Variants in CEL observed in about 807,000 individuals in gnomAD.
CEL encodes the protein carboxyl ester lipase.
In CEL, 39 loss-of-function variants were observed where a neutral mutation model predicts 57.1. The observed-to-expected ratio is 0.68, with a 90% CI of 0.53 to 0.89. The LOEUF (loss-of-function observed/expected upper bound fraction) is 0.89, where lower values mean the gene tolerates loss of function less well. CEL is among the 40% of genes least tolerant of loss of function. The probability of loss-of-function intolerance (pLI) is 0.00; values close to 1 mark genes in which losing one functional copy is unlikely to be tolerated. For synonymous variants in CEL, 314 were observed against 396.6 expected (o/e 0.79, Z 2.48); for missense variants, 698 against 915.0 (o/e 0.76, Z 3.06).
chr9:133,062,744 G>C, intron 1 of CEL, among the ~76,000 whole-genome samples: 1 of 150,992 alleles, frequency 6.6e-6, no homozygotes, highest in East Asian at 1.9e-4. Context: ...GGGGAAACGG[G>C]CCCAGGGGCA....
At chr9:133,064,953 C>T in intron 3 of CEL, 87 bp from the exon 4 acceptor site, 1 of 1,577,092 alleles carries the variant, frequency 6.3e-7, no homozygotes, top group Non-Finnish European at 8.7e-7. Context: ...GTCTTGGCCC[C>T]AGGCACCTGC....
At chr9:133,068,638 A>G (rs1830218026) in intron 7 of CEL, 34 bp from the exon 8 acceptor site, 9 of 1,613,562 alleles carry the variant, frequency 5.6e-6, no homozygotes, top group South Asian at 1.1e-5. Flanking sequence ...TGGGAGGTAC[A>G]AGAACCTGCT....
intron 4 of CEL, among the ~76,000 whole-genome samples, chr9:133,065,754 G>A (rs536126157): frequency 5.0e-4 from 76 of 150,752 alleles, no homozygotes; most frequent in Admixed American, 1.5e-3. Context: ...GCTGAGGCAG[G>A]AGAATCGCTT....
chr9:133,070,087 A>G (rs1286080563), intron 9 of CEL, among the ~76,000 whole-genome samples: 1 of 151,738 alleles, frequency 6.6e-6, no homozygotes, highest in African/African-American at 2.4e-5. Context: ...ACTAAGCAGT[A>G]CATTTAGCTG....
chr9:133,071,499 G>A lies in CEL; in HGVS notation c.1997G>A (p.Gly666Asp), dbSNP rs1277740365. The A allele has an allele frequency of 1.5e-6, 1 of 654,170 alleles. No homozygotes were observed. Among genetic ancestry groups the A allele is most frequent in the Non-Finnish European group, 2.1e-6 (1 of 483,960 alleles). The allele number at this position is 654,170 out of a possible 1,614,324, so 40.5% of individuals were successfully genotyped here. A position where few individuals can be genotyped will look rare whatever the true frequency, so the allele number is the denominator to read the frequency against. ...APPVPPTGDS[G>D]APPVPPTGDA... The stretch of plus-strand genomic sequence containing the variant: ...CCCGTGCCGCCCACGGGTGACTCCG[G>A]CGCCCCCCCCGTGCCGCCCACGGGT... The change falls in exon 11 of 11, where the codon GGC becomes GAC. Residue 666 changes from glycine to aspartate, a missense_variant. Physicochemically the swap from Gly to Asp is moderately conservative, Grantham distance 94. Coordinates refer to ENST00000372080, the MANE Select transcript of CEL (RefSeq NM_001807.6).
At position 133,065,179 on chromosome 9, in the gene CEL, C is replaced by T. The variant is rs1554732286; in HGVS notation, c.480C>T (p.Thr160=). Residue 160 remains threonine, a synonymous_variant, in exon 4 of 11, where the codon ACC becomes ACT. Coordinates refer to ENST00000372080, the MANE Select transcript of CEL (RefSeq NM_001807.6). ...CACGCGGAAACGTCATCGTGGTCAC[C>T]TTCAACTACCGTGTCGGCCCCCTTG... ...IATRGNVIVV[T]FNYRVGPLGF... The T allele has an allele frequency of 6.2e-7, 1 of 1,613,904 alleles. No homozygotes were observed. Among genetic ancestry groups the T allele is most frequent in the Non-Finnish European group, 8.5e-7 (1 of 1,180,044 alleles).
chr9:133,070,036 T>C (rs1388459401), intron 9 of CEL, among the ~76,000 whole-genome samples: 6 of 151,784 alleles, frequency 4.0e-5, no homozygotes, highest in African/African-American at 1.5e-4. Flanking sequence ...GATAGGAAGA[T>C]AAAAGTATAC....
At chr9:133,065,750 G>A (rs1333449128) in intron 4 of CEL, among the ~76,000 whole-genome samples, 2 of 151,494 alleles carry the variant, frequency 1.3e-5, no homozygotes, top group Non-Finnish European at 2.9e-5. Context: ...GGAGGCTGAG[G>A]CAGGAGAATC....
Position 133,070,553 on chromosome 9 carries a change from A to G in CEL, c.1379A>G (p.Gln460Arg), listed in dbSNP as rs775977271. ...WVGADHADDI[Q>R]YVFGKPFATP... is the part of the protein sequence containing the mutation. Reference sequence around the variant, plus strand: ...GGGGCCGACCATGCAGATGACATTCAGTACGTTTTCGGGAAGCCCTTCGCC... The same window carrying G: ...GGGGCCGACCATGCAGATGACATTCGGTACGTTTTCGGGAAGCCCTTCGCC... Residue 460 changes from glutamine to arginine, a missense_variant, in exon 10 of 11, where the codon CAG (glutamine) becomes CGG (arginine). Physicochemically the swap from Gln to Arg is conservative, Grantham distance 43. Around this residue, in one of 6 missense-constraint regions of CEL, gnomAD observed 111 missense variants for 147.3 expected, o/e 0.75. Coordinates refer to ENST00000372080, the MANE Select transcript of CEL (RefSeq NM_001807.6). 24 of 1,613,962 alleles carry G rather than the reference A, an allele frequency of 1.5e-5. No individual in the cohort carries two copies. The highest frequency in any genetic ancestry group is 1.9e-5 in the Non-Finnish European group (23 of 1,180,022).
chr9:133,070,948 G>C (rs1830250491), intron 10 of CEL, 39 bp from the exon 11 acceptor site: 1 of 1,608,780 alleles, frequency 6.2e-7, no homozygotes, highest in Non-Finnish European at 8.5e-7. Flanking sequence ...AGCCCCCTGG[G>C]AGTCCCCAGC....
intron 9 of CEL, among the ~76,000 whole-genome samples, chr9:133,069,486 C>T (rs1830231797): frequency 6.7e-6 from 1 of 149,624 alleles, no homozygotes; most frequent in Non-Finnish European, 1.5e-5. Context: ...GATCCTCTGC[C>T]CTGCTCAGCC....
chr9:133,070,569 GC>G lies in CEL; in HGVS notation c.1398del (p.Phe467SerfsTer18), dbSNP rs1392819645. 2 of 1,614,094 alleles carry G rather than the reference GC, an allele frequency of 1.2e-6. No homozygotes were observed. Among genetic ancestry groups the G allele is most frequent in the East Asian group, 4.5e-5 (2 of 44,878 alleles). The part of the protein sequence containing the change: ...ADDIQYVFGK[P>X]FATPTGYRPQ... ...ATGACATTCAGTACGTTTTCGGGAA[GC>G]CCTTCGCCACCCCCACGGGCTACCG... On this transcript the variant is annotated frameshift_variant, in exon 10 of 11. Coordinates refer to ENST00000372080, the MANE Select transcript of CEL (RefSeq NM_001807.6). LOFTEE classifies it high-confidence loss of function.
chr9:133,063,857 G>A (rs1438496805), intron 1 of CEL, among the ~76,000 whole-genome samples: 1 of 152,186 alleles, frequency 6.6e-6, no homozygotes, highest in East Asian at 1.9e-4. Context: ...TGGGCATGGG[G>A]CCATCGACTT....
chr9:133,066,790 G>A lies in CEL; in HGVS notation c.670-48G>A. The A allele has an allele frequency of 6.2e-7, 1 of 1,606,642 alleles. No homozygotes were observed. The highest frequency in any genetic ancestry group is 8.5e-7 in the Non-Finnish European group (1 of 1,174,974). ...GGGTGTCCTTGTCCCAGCGTGGGGT[G>A]GGCAGAGTGGGGAGCGGCCTTGGTG... On this transcript the variant is annotated intron_variant, in intron 5 of 10. Transcript: ENST00000372080. The surrounding 1 kb of genome is among the most constrained non-coding windows in gnomAD (Gnocchi z 4.3).
rs773990119 is a variant in CEL, at chr9:133,067,170, C to T, written c.860C>T (p.Thr287Met). 1.9e-5 allele frequency: 30 copies of T among 1,613,912 alleles called. 1 individual carries two copies. The African/African-American group carries it at 1.9e-4, about 10-fold the overall frequency. ...AAGGTTACTGATCCCCGAGCCCTGA[C>T]GCTGGCCTATAAGGTGCCGCTGGCA... is the stretch of plus-strand genomic sequence containing the variant. Reference protein sequence around the residue: ...CLKVTDPRALTLAYKVPLAGL... With the variant: ...CLKVTDPRALMLAYKVPLAGL... Residue 287 changes from threonine to methionine, a missense_variant, in exon 7 of 11, where the codon ACG becomes ATG. Thr to Met is a moderately conservative substitution (Grantham distance 81). This residue lies in a region of CEL where 327 missense variants were observed against 374.1 expected (regional missense o/e 0.87). Transcript: ENST00000372080.
rs188755935 is a variant in CEL at position 133,067,747 on chromosome 9, C to T, written c.895+542C>T. 1.2e-3 allele frequency among the ~76,000 whole-genome samples: 187 copies of T among 152,282 alleles called. 2 individuals are homozygous for T. Among genetic ancestry groups the T allele is most frequent in the African/African-American group, 4.4e-3 (181 of 41,538 alleles). ...TGATGAACATTTGGGGCCCCCTCCC[C>T]CACCTCATGCATTCATATGCAGTCA... is the stretch of plus-strand genomic sequence containing the variant. On this transcript the variant is annotated intron_variant, in intron 7 of 10. Transcript: ENST00000372080.
chr9:133,071,096 C>T lies in CEL; in HGVS notation c.1594C>T (p.Arg532Trp), dbSNP rs200231984. Residue 532 changes from arginine to tryptophan, a missense_variant, in exon 11 of 11, where the codon CGG becomes TGG. Arg to Trp is a moderately radical substitution (Grantham distance 101). Coordinates refer to ENST00000372080, the MANE Select transcript of CEL (RefSeq NM_001807.6). Reference sequence around the variant, plus strand: ...GAAGATGGGCAGCAGCTCCATGAAGCGGAGCCTGAGAACCAACTTCCTGCG... The same window carrying T: ...GAAGATGGGCAGCAGCTCCATGAAGTGGAGCCTGAGAACCAACTTCCTGCG... ...TKKMGSSSMK[R>W]SLRTNFLRYW... The T allele has an allele frequency of 1.4e-3, 2,255 of 1,611,122 alleles. 4 individuals are homozygous for T. Among genetic ancestry groups the T allele is most frequent in the Non-Finnish European group, 1.8e-3 (2,154 of 1,179,586 alleles).
intron 1 of CEL, among the ~76,000 whole-genome samples, chr9:133,063,546 A>T (rs1830125481): frequency 6.6e-6 from 1 of 152,180 alleles, no homozygotes; most frequent in African/African-American, 2.4e-5. Flanking sequence ...GACAGCCAGC[A>T]AGCAATGACC....
At position 133,066,976 on chromosome 9, in the gene CEL, T is replaced by TGGGGGCCGGGGGGGGGGGGGGG; in HGVS notation, c.777+37_777+38insCGGGGGGGGGGGGGGGGGGGGC. 2 of 753,402 alleles carry TGGGGGCCGGGGGGGGGGGGGGG rather than the reference T, an allele frequency of 2.7e-6. No individual in the cohort carries two copies. Among genetic ancestry groups the TGGGGGCCGGGGGGGGGGGGGGG allele is most frequent in the Non-Finnish European group, 4.4e-6 (2 of 453,982 alleles). The allele number at this position is 753,402 out of a possible 1,614,324, so 46.7% of individuals were successfully genotyped here. On this transcript the variant is annotated intron_variant, in intron 6 of 10. Coordinates refer to ENST00000372080, the MANE Select transcript of CEL (RefSeq NM_001807.6). This position sits in a 1 kb window ranked among gnomAD's most constrained non-coding sequence, Gnocchi z 4.3. ...CGGAGGAGGGCAGGGCTGGGCGGGG[T>TGGGGGCCGGGGGGGGGGGGGGG]GGGGGCTGTCCACATTTCCGTTCTT...
Sources: allele counts gnomAD v4.1 joint callset (sites outside exome capture counted in the v4.1 genomes callset), GRCh38; gene constraint gnomAD v4.1.1; regional missense constraint gnomAD v4.1.1; non-coding constraint Gnocchi (gnomAD v3.1); transcripts MANE v1.5; gene names NCBI Gene and HGNC (gene_info 2026-07-23, HGNC 2026-07-21).